The following COP1 variants were observed in gnomAD, a reference collection of about 807,000 sequenced individuals.
COP1 encodes the protein COP1 E3 ubiquitin ligase.
In COP1, 24 loss-of-function variants were observed where a neutral mutation model predicts 101.3. The observed-to-expected ratio is 0.24, with a 90% CI of 0.17 to 0.33. The LOEUF is 0.33. Ranked by LOEUF, COP1 falls within the 10% of genes least tolerant of loss-of-function variation. The pLI, the probability that COP1 is intolerant of heterozygous loss-of-function variation, is 1.00. For synonymous variants in COP1, 347 were observed against 341.9 expected, an observed-to-expected ratio of 1.01 and a Z score of -0.17; for missense variants, 663 against 906.2, an observed-to-expected ratio of 0.73 and a Z score of 3.45.
intron 11 of COP1, among the ~76,000 whole-genome samples, chr1:176,048,252 T>G (rs1466939281): frequency 6.7e-6 from 1 of 148,702 alleles, no homozygotes; most frequent in Non-Finnish European, 1.5e-5. Flanking sequence ...GGGCTGGTCT[T>G]GAACTCCAGG....
At chr1:176,035,836 T>C (rs1012592812) in intron 14 of COP1, among the ~76,000 whole-genome samples, 2 of 151,856 alleles carry the variant, frequency 1.3e-5, no homozygotes, top group African/African-American at 4.8e-5. Context: ...TTTCAATGCA[T>C]TTGAAATATT....
At chr1:176,117,996 A>G (rs763321243) in intron 8 of COP1, among the ~76,000 whole-genome samples, 1 of 152,230 alleles carries the variant, frequency 6.6e-6, no homozygotes, top group Non-Finnish European at 1.5e-5. Context: ...GAATGGTTCT[A>G]TATGTAAACA....
At chr1:176,009,773 T>C (rs1488414606) in intron 15 of COP1, among the ~76,000 whole-genome samples, 1 of 151,792 alleles carries the variant, frequency 6.6e-6, no homozygotes, top group East Asian at 1.9e-4. Context: ...TGTTCTGAGT[T>C]ATAGTTACTT....
chr1:176,036,155 G>A (rs1669501307), intron 14 of COP1, among the ~76,000 whole-genome samples: 1 of 151,996 alleles, frequency 6.6e-6, no homozygotes, highest in South Asian at 2.1e-4. Flanking sequence ...TTCAAAATTT[G>A]CTAAAGTAGT....
Position 175,982,066 on chromosome 1 carries a change from C to T in COP1, c.2133+4877G>A, listed in dbSNP as rs545471291. Among the ~76,000 whole-genome samples the T allele has an allele frequency of 4.4e-4, 67 of 151,976 alleles. No homozygotes were observed. The South Asian group carries it at 0.01, about 23-fold the overall frequency. ...TGTGGAGAAAAGAGAACTCTTGTAA[C>T]GTTGGTGGGAATGTAAATCAGTACA... is the stretch of plus-strand genomic sequence containing the variant. On this transcript the variant is annotated intron_variant, in intron 18 of 19. Coordinates refer to ENST00000367669, the MANE Select transcript of COP1 (RefSeq NM_022457.7).
At chr1:175,986,598 T>A (rs9783047) in intron 18 of COP1, among the ~76,000 whole-genome samples, 114,809 of 152,052 alleles carry the variant, frequency 0.76, 45,138 homozygotes, top group East Asian at 0.92. Context: ...TTTATCAAGC[T>A]TATACTGCAC....
At chr1:176,057,958 GAT>G (rs1673930957) in intron 11 of COP1, among the ~76,000 whole-genome samples, 1 of 151,774 alleles carries the variant, frequency 6.6e-6, no homozygotes, top group Non-Finnish European at 1.5e-5. Flanking sequence ...CCCCTTCTGG[GAT>G]ATGAGGAGCG....
intron 19 of COP1, among the ~76,000 whole-genome samples, chr1:175,946,305 GT>G (rs1649163670): frequency 2.0e-5 from 3 of 152,184 alleles, no homozygotes; most frequent in Admixed American, 2.0e-4. Context: ...AATTAGTGCA[GT>G]TCTTCTGCGT....
chr1:176,023,281 T>G (rs1667075693), intron 15 of COP1, among the ~76,000 whole-genome samples: 1 of 152,110 alleles, frequency 6.6e-6, no homozygotes, highest in Non-Finnish European at 1.5e-5. Flanking sequence ...TAGCTACACC[T>G]ACCAAAAAGA....
intron 15 of COP1, among the ~76,000 whole-genome samples, chr1:175,991,234 C>T (rs1041127700): frequency 6.6e-6 from 1 of 152,158 alleles, no homozygotes; most frequent in African/African-American, 2.4e-5. Context: ...GACTACTACA[C>T]ACTTAGGTTA....
chr1:176,167,369 T>G (rs1695301519), intron 3 of COP1, among the ~76,000 whole-genome samples: 1 of 152,176 alleles, frequency 6.6e-6, no homozygotes, highest in Non-Finnish European at 1.5e-5. Flanking sequence ...TTGTCCACCA[T>G]CGTGGTCCCT....
intron 11 of COP1, among the ~76,000 whole-genome samples, chr1:176,067,175 G>C (rs1676140723): frequency 6.6e-6 from 1 of 152,082 alleles, no homozygotes; most frequent in South Asian, 2.1e-4. Flanking sequence ...TAGACTTTGG[G>C]TGATAATAAT....
chr1:176,192,137 C>T (rs1418133120), intron 1 of COP1, among the ~76,000 whole-genome samples: 1 of 152,062 alleles, frequency 6.6e-6, no homozygotes, highest in Non-Finnish European at 1.5e-5. Context: ...CAGGGAACTA[C>T]ATATGGCCAA....
chr1:176,080,460 A>G (rs1678915426), intron 11 of COP1, among the ~76,000 whole-genome samples: 1 of 152,168 alleles, frequency 6.6e-6, no homozygotes, highest in East Asian at 1.9e-4. Flanking sequence ...AATACAGCCT[A>G]TCAGTAAAAC....
intron 3 of COP1, among the ~76,000 whole-genome samples, chr1:176,173,597 A>G (rs1377732977): frequency 1.3e-5 from 2 of 151,414 alleles, no homozygotes; most frequent in Non-Finnish European, 2.9e-5. Context: ...CCATGATCGC[A>G]CTACTGCACT....
At chr1:176,057,373 C>T in intron 11 of COP1, among the ~76,000 whole-genome samples, 1 of 152,212 alleles carries the variant, frequency 6.6e-6, no homozygotes, top group Non-Finnish European at 1.5e-5. Flanking sequence ...CACGATCTCC[C>T]TCTGATGCCG....
chr1:176,130,936 T>G (rs1323727983), intron 8 of COP1, among the ~76,000 whole-genome samples: 1 of 151,810 alleles, frequency 6.6e-6, no homozygotes, highest in Non-Finnish European at 1.5e-5. Flanking sequence ...TCCCTGCCCC[T>G]AATTTTTTAG....
rs1336872696 is a variant in COP1 at position 176,081,220 on chromosome 1, A to T, written c.1209T>A (p.Asn403Lys). ...QECLSKFTRYNSVRPLATLSY... is the reference protein window; with the variant it reads ...QECLSKFTRYKSVRPLATLSY... Reference sequence around the variant, plus strand: ...ACAATGTGGCTAAAGGTCGTACTGAATTATATCGAGTAAACTTGGACAAGC... The same window carrying T: ...ACAATGTGGCTAAAGGTCGTACTGATTTATATCGAGTAAACTTGGACAAGC... Residue 403 changes from asparagine (N) to lysine (K), a missense_variant, in exon 11 of 20, where the codon AAT (asparagine) becomes AAA (lysine). By Grantham distance (94) the Asn-to-Lys change is moderately conservative. This residue lies in a region of COP1 where 212 missense variants were observed against 240.7 expected (regional missense o/e 0.88). Transcript: ENST00000367669. 1 of 1,611,682 alleles carries T rather than the reference A, an allele frequency of 6.2e-7. No homozygotes were observed.
intron 15 of COP1, among the ~76,000 whole-genome samples, chr1:176,021,791 T>G (rs916194334): frequency 6.6e-6 from 1 of 152,136 alleles, no homozygotes; most frequent in Non-Finnish European, 1.5e-5. Flanking sequence ...GAACCAAGTC[T>G]GATATATTGG....
Sources: allele counts gnomAD v4.1 joint callset (sites outside exome capture counted in the v4.1 genomes callset), GRCh38; gene constraint gnomAD v4.1.1; regional missense constraint gnomAD v4.1.1; transcripts MANE v1.5; gene names NCBI Gene and HGNC (gene_info 2026-07-23, HGNC 2026-07-21).